Variants in PRDM5 observed in about 807,000 individuals in gnomAD.
PRDM5 encodes PR/SET domain 5, also known as PR domain zinc finger protein 5.
A neutral mutation model predicts 81.2 loss-of-function variants in PRDM5; 56 were observed. The observed-to-expected ratio is 0.69, with a 90% confidence interval of 0.56 to 0.86. The LOEUF is 0.86. Among genes scored for constraint, PRDM5 ranks in the 40% least tolerant of loss-of-function variants. The pLI, the probability that PRDM5 is intolerant of heterozygous loss-of-function variation, is 0.00. For missense variants in PRDM5, 697 were observed against 770.1 expected (o/e 0.91, Z 1.12); for synonymous variants, 267 against 256.4 (o/e 1.04, Z -0.39).
chr4:120,783,958 T>A (rs1252713761), intron 11 of PRDM5, among the ~76,000 whole-genome samples: 1 of 152,136 alleles, frequency 6.6e-6, no homozygotes, highest in African/African-American at 2.4e-5. Context: ...AATTAATTAC[T>A]TTTTTCTTTC....
intron 13 of PRDM5, among the ~76,000 whole-genome samples, chr4:120,768,368 A>G (rs1746714046): frequency 6.6e-6 from 1 of 152,162 alleles, no homozygotes; most frequent in Non-Finnish European, 1.5e-5. Flanking sequence ...TGGTCCTAGA[A>G]ATGGCTGAAT....
chr4:120,755,356 C>T (rs1283977978), intron 13 of PRDM5, among the ~76,000 whole-genome samples: 1 of 152,178 alleles, frequency 6.6e-6, no homozygotes, highest in African/African-American at 2.4e-5. Flanking sequence ...CTTGTCAAAG[C>T]CAAATCATTT....
intron 2 of PRDM5, among the ~76,000 whole-genome samples, chr4:120,888,991 T>C (rs1258181557): frequency 1.3e-5 from 2 of 152,160 alleles, no homozygotes; most frequent in Admixed American, 6.5e-5. Context: ...TTTTCAGAAA[T>C]GTATTACAAA....
intron 2 of PRDM5, among the ~76,000 whole-genome samples, chr4:120,860,230 A>G (rs1442109567): frequency 1.3e-5 from 2 of 152,316 alleles, no homozygotes; most frequent in African/African-American, 4.8e-5. Flanking sequence ...GTCTCAATAA[A>G]TATTTTATTA....
At chr4:120,904,208 A>AAAAAAAC (rs1410008827) in intron 2 of PRDM5, among the ~76,000 whole-genome samples, 24 of 147,652 alleles carry the variant, frequency 1.6e-4, no homozygotes, top group Admixed American at 6.1e-4. Context: ...AAAAAAAACA[A>AAAAAAAC]AAAAACCTCC....
intron 2 of PRDM5, among the ~76,000 whole-genome samples, chr4:120,855,586 T>C (rs1759781465): frequency 1.3e-5 from 2 of 152,322 alleles, no homozygotes; most frequent in Admixed American, 1.3e-4. Context: ...AATGGGCATG[T>C]CAGTTCACAT....
intron 8 of PRDM5, among the ~76,000 whole-genome samples, chr4:120,802,936 C>T (rs762674043): frequency 6.6e-6 from 1 of 152,114 alleles, no homozygotes; most frequent in Non-Finnish European, 1.5e-5. Flanking sequence ...TCAAACCCAT[C>T]GCAGAGAAGC....
At chr4:120,847,674 T>A (rs1283093985) in intron 3 of PRDM5, among the ~76,000 whole-genome samples, 2 of 152,204 alleles carry the variant, frequency 1.3e-5, no homozygotes, top group Non-Finnish European at 2.9e-5. Flanking sequence ...GGGGTAAATT[T>A]GTTACATAAC....
At chr4:120,917,953 C>G (rs17051279) in intron 1 of PRDM5, among the ~76,000 whole-genome samples, 6,705 of 152,200 alleles carry the variant, frequency 0.044, 147 homozygotes, top group African/African-American at 0.051. Context: ...AACATCACCT[C>G]TCTCATCTAT....
intron 2 of PRDM5, among the ~76,000 whole-genome samples, chr4:120,873,066 A>G (rs1010877552): frequency 2.9e-4 from 44 of 152,162 alleles, no homozygotes; most frequent in Admixed American, 2.8e-3. Flanking sequence ...CAGTGGTTCA[A>G]TCTCTGCTCA....
chr4:120,790,720 A>C (rs188972002), intron 10 of PRDM5, among the ~76,000 whole-genome samples: 10 of 152,234 alleles, frequency 6.6e-5, no homozygotes, highest in African/African-American at 2.4e-4. Context: ...ATTTTTACAG[A>C]TACTAAAATG....
At chr4:120,775,161 C>T (rs998681737) in intron 13 of PRDM5, among the ~76,000 whole-genome samples, 3 of 151,184 alleles carry the variant, frequency 2.0e-5, no homozygotes, top group African/African-American at 2.4e-5. Context: ...GGCCCAGACT[C>T]GTGTATACAA....
intron 13 of PRDM5, among the ~76,000 whole-genome samples, chr4:120,757,120 AAAT>A (rs1405746096): frequency 1.3e-5 from 2 of 152,248 alleles, no homozygotes; most frequent in African/African-American, 4.8e-5. Flanking sequence ...GCAAAGAAAG[AAAT>A]ACATAGTTAA....
At chr4:120,841,217 AATACAGTATAACTTT>A (rs1757993208) in intron 3 of PRDM5, among the ~76,000 whole-genome samples, 1 of 152,224 alleles carries the variant, frequency 6.6e-6, no homozygotes, top group Non-Finnish European at 1.5e-5. Flanking sequence ...TACTTGGCTT[AATACAGTATAACTTT>A]GTTATACAAA....
chr4:120,907,635 G>A (rs1765986848), intron 1 of PRDM5, 78 bp from the exon 2 acceptor site: 4 of 1,175,206 alleles, frequency 3.4e-6, no homozygotes, highest in Non-Finnish European at 5.1e-6. Context: ...TTTTCTTCTG[G>A]AATGTTTTTC....
chr4:120,805,256 G>A (rs191161060), intron 8 of PRDM5, among the ~76,000 whole-genome samples: 16 of 152,196 alleles, frequency 1.1e-4, no homozygotes, highest in African/African-American at 2.9e-4. Flanking sequence ...ATTCACAGCC[G>A]AATTCTACCA....
chr4:120,718,368 T>G (rs1738107139), intron 14 of PRDM5, among the ~76,000 whole-genome samples: 1 of 152,214 alleles, frequency 6.6e-6, no homozygotes, highest in Non-Finnish European at 1.5e-5. Context: ...CAAATTAATT[T>G]TGTTTGGCTA....
intron 2 of PRDM5, chr4:120,895,696 T>C (rs1764539439): frequency 6.6e-6 from 1 of 152,306 alleles, no homozygotes; most frequent in African/African-American, 2.4e-5. Context: ...TTTTGTTTTG[T>C]TTCATTTTGA....
chr4:120,810,588 G>T (rs1284088170), intron 8 of PRDM5: 1 of 151,768 alleles, frequency 6.6e-6, no homozygotes, highest in Non-Finnish European at 1.5e-5. Context: ...TAATAAGACT[G>T]CCACTTGAAA....
Sources: gnomAD v4.1 joint callset for allele counts (sites outside exome capture counted in the v4.1 genomes callset) on GRCh38, gnomAD v4.1.1 for gene constraint, MANE v1.5 for transcripts, NCBI Gene and HGNC (gene_info 2026-07-23, HGNC 2026-07-21) for gene names.